The following GLIS3 variants were observed in gnomAD, a reference collection of about 807,000 sequenced individuals.
GLIS3 encodes the protein zinc finger protein GLIS3.
GLIS3 carries 53 observed loss-of-function variants against 78.6 expected under a neutral mutation model. The observed-to-expected ratio is 0.67, with a 90% CI of 0.54 to 0.85. The LOEUF (loss-of-function observed/expected upper bound fraction) is 0.85, where lower values mean the gene tolerates loss of function less well. GLIS3 is among the 40% of genes least tolerant of loss of function. The probability of loss-of-function intolerance (pLI) is 0.00; values close to 1 mark genes in which losing one functional copy is unlikely to be tolerated. For synonymous variants in GLIS3, 684 were observed against 509.9 expected, an observed-to-expected ratio of 1.34 and a Z score of -4.60; for missense variants, 1,703 against 1,231.1, an observed-to-expected ratio of 1.38 and a Z score of -5.74.
chr9:4,073,053 A>C (rs1827743095), intron 4 of GLIS3, among the ~76,000 whole-genome samples: 1 of 151,964 alleles, frequency 6.6e-6, no homozygotes, highest in Non-Finnish European at 1.5e-5. Flanking sequence ...TTAAGTAATT[A>C]TACACCCCTT....
intron 2 of GLIS3, among the ~76,000 whole-genome samples, chr9:4,242,738 C>A (rs561490378): frequency 6.6e-6 from 1 of 152,190 alleles, no homozygotes; most frequent in South Asian, 2.1e-4. Context: ...TATAATTACA[C>A]CCCAGATTCA....
intron 2 of GLIS3, among the ~76,000 whole-genome samples, chr9:4,184,305 C>G (rs1049106619): frequency 6.6e-6 from 1 of 152,074 alleles, no homozygotes; most frequent in African/African-American, 2.4e-5. Context: ...TGTGACTGCA[C>G]AAGGATGTTG....
intron 4 of GLIS3, among the ~76,000 whole-genome samples, chr9:3,943,431 C>A (rs1816080062): frequency 6.6e-6 from 1 of 152,218 alleles, no homozygotes; most frequent in African/African-American, 2.4e-5. Context: ...AAATCACCCG[C>A]TTGTCCTTAA....
intron 2 of GLIS3, among the ~76,000 whole-genome samples, chr9:4,340,277 A>T (rs1403060564): frequency 1.5e-5 from 2 of 130,388 alleles, no homozygotes; most frequent in Admixed American, 8.1e-5. Flanking sequence ...AAGTTTAGGA[A>T]TTACAAATCA....
At chr9:4,122,928 T>G (rs1243929661) in intron 3 of GLIS3, among the ~76,000 whole-genome samples, 2 of 152,338 alleles carry the variant, frequency 1.3e-5, no homozygotes, top group East Asian at 3.9e-4. Flanking sequence ...CGGTAAGGTA[T>G]AGTTTGCATT....
At chr9:3,859,518 C>A (rs565949996) in intron 8 of GLIS3, among the ~76,000 whole-genome samples, 13 of 152,256 alleles carry the variant, frequency 8.5e-5, no homozygotes, top group Non-Finnish European at 1.8e-4. Context: ...CATTGTAATG[C>A]CGAGGATAAA....
the GLIS3 span, among the ~76,000 whole-genome samples, chr9:4,402,181 T>C: frequency 6.6e-6 from 1 of 152,172 alleles, no homozygotes; most frequent in Non-Finnish European, 1.5e-5. Flanking sequence ...ACACTCCCAA[T>C]TCCAGACAAT....
intron 8 of GLIS3, among the ~76,000 whole-genome samples, chr9:3,863,525 G>C (rs992252355): frequency 6.6e-6 from 1 of 152,228 alleles, no homozygotes; most frequent in South Asian, 2.1e-4. Flanking sequence ...GGAAGAGCTT[G>C]TGCTCCCTAT....
chr9:4,233,173 T>C (rs1424848539), intron 2 of GLIS3, among the ~76,000 whole-genome samples: 1 of 152,248 alleles, frequency 6.6e-6, no homozygotes, highest in African/African-American at 2.4e-5. Flanking sequence ...TCTTCAAACC[T>C]GACAGATGAG....
intron 4 of GLIS3, among the ~76,000 whole-genome samples, chr9:4,003,425 T>C (rs1258753360): frequency 1.3e-5 from 2 of 152,156 alleles, no homozygotes; most frequent in African/African-American, 2.4e-5. Flanking sequence ...AACCTGAACT[T>C]GAGTCCCTCT....
chr9:4,386,832 T>A, the GLIS3 span, among the ~76,000 whole-genome samples: 1 of 152,334 alleles, frequency 6.6e-6, no homozygotes, highest in South Asian at 2.1e-4. Context: ...CCTATTTTCC[T>A]GCTTCATCTC....
chr9:4,393,066 T>C, the GLIS3 span, among the ~76,000 whole-genome samples: 1 of 152,146 alleles, frequency 6.6e-6, no homozygotes, highest in African/African-American at 2.4e-5. Context: ...GTGTAAAAAA[T>C]GTTTATTGTA....
At chr9:3,831,318 C>T (rs914733490) in intron 9 of GLIS3, among the ~76,000 whole-genome samples, 1 of 152,134 alleles carries the variant, frequency 6.6e-6, no homozygotes, top group Non-Finnish European at 1.5e-5. Flanking sequence ...AGGCAAAGAA[C>T]CCAAACAGAC....
At chr9:4,197,969 C>T (rs1421201626) in intron 2 of GLIS3, among the ~76,000 whole-genome samples, 1 of 151,780 alleles carries the variant, frequency 6.6e-6, no homozygotes, top group African/African-American at 2.4e-5. Flanking sequence ...AAAGAAAGAA[C>T]AAAAATATAT....
the GLIS3 span, among the ~76,000 whole-genome samples, chr9:4,401,926 G>A: frequency 3.9e-5 from 6 of 152,246 alleles, no homozygotes; most frequent in African/African-American, 4.8e-5. Flanking sequence ...AGGCAAGAGC[G>A]GGAAGCACTT....
At chr9:4,015,638 A>G (rs1822368946) in intron 4 of GLIS3, among the ~76,000 whole-genome samples, 1 of 152,202 alleles carries the variant, frequency 6.6e-6, no homozygotes, top group Non-Finnish European at 1.5e-5. Context: ...CCGTAATCCC[A>G]GCACTTTGGG....
the GLIS3 span, among the ~76,000 whole-genome samples, chr9:4,385,789 GAA>G: frequency 0.012 from 946 of 80,606 alleles, 58 homozygotes; most frequent in African/African-American, 0.047. Flanking sequence ...AAGAAAGAAA[GAA>G]AGAAAGAAAG....
At chr9:4,411,588 C>G in the GLIS3 span, among the ~76,000 whole-genome samples, 36 of 152,326 alleles carry the variant, frequency 2.4e-4, 1 homozygote, top group East Asian at 4.0e-3. Context: ...GTCCCATCTT[C>G]TCATTCTGCT....
chr9:3,866,515 C>G (rs956101523), intron 8 of GLIS3, among the ~76,000 whole-genome samples: 2 of 152,044 alleles, frequency 1.3e-5, no homozygotes, highest in South Asian at 4.2e-4. Flanking sequence ...CAAGAAGGGC[C>G]TTTCTGAAGA....
Sources: allele counts gnomAD v4.1 joint callset (sites outside exome capture counted in the v4.1 genomes callset), GRCh38; gene constraint gnomAD v4.1.1; transcripts MANE v1.5; gene names NCBI Gene and HGNC (gene_info 2026-07-23, HGNC 2026-07-21).